PCDH9: variants seen among roughly 807,000 people sequenced by gnomAD.
PCDH9 encodes protocadherin 9.
PCDH9 carries 24 observed loss-of-function variants against 70.6 expected under a neutral mutation model. The ratio of observed to expected loss-of-function variants is 0.34; its 90% CI spans 0.25 to 0.48. The LOEUF is 0.48. Ranked by LOEUF, PCDH9 falls within the 20% of genes least tolerant of loss-of-function variation. The pLI is 0.99. For synonymous variants in PCDH9, 562 were observed against 558.5 expected (o/e 1.01, Z -0.09); for missense variants, 1,281 against 1,503.6 (o/e 0.85, Z 2.45).
intron 2 of PCDH9, among the ~76,000 whole-genome samples, chr13:67,189,334 T>C (rs1371346239): frequency 6.6e-6 from 1 of 152,088 alleles, no homozygotes; most frequent in Non-Finnish European, 1.5e-5. Context: ...TTCTTTTTAC[T>C]GATTCATTAA....
intron 4 of PCDH9, among the ~76,000 whole-genome samples, chr13:66,419,219 TA>T (rs35034497): frequency 0.82 from 124,567 of 151,892 alleles, 52,650 homozygotes; most frequent in South Asian, 0.95. Flanking sequence ...ATCACGCTGA[TA>T]CCAAAACTTG....
At chr13:66,737,932 A>C (rs1041203451) in intron 3 of PCDH9, among the ~76,000 whole-genome samples, 18 of 152,062 alleles carry the variant, frequency 1.2e-4, no homozygotes, top group Admixed American at 5.9e-4. Context: ...GGCGCCCGCC[A>C]TTGCCCAGGC....
intron 4 of PCDH9, among the ~76,000 whole-genome samples, chr13:66,603,252 T>C (rs1480098845): frequency 1.3e-5 from 2 of 151,680 alleles, no homozygotes; most frequent in Non-Finnish European, 3.0e-5. Context: ...ATATATCCAA[T>C]AGAGCTTAGT....
chr13:66,700,923 A>T (rs9599135), intron 3 of PCDH9, among the ~76,000 whole-genome samples: 8,661 of 58,050 alleles, frequency 0.15, 1,028 homozygotes, highest in Admixed American at 0.22. Flanking sequence ...TGTACATATA[A>T]ATATATATAT....
intron 2 of PCDH9, 38 bp from the exon 3 acceptor site, chr13:66,903,643 C>T: frequency 1.1e-6 from 1 of 876,754 alleles, no homozygotes; most frequent in Non-Finnish European, 1.9e-6. Flanking sequence ...CAAACTACTC[C>T]ACATTTAGAG....
intron 4 of PCDH9, among the ~76,000 whole-genome samples, chr13:66,612,576 G>T (rs1287917516): frequency 6.6e-6 from 1 of 152,142 alleles, no homozygotes; most frequent in East Asian, 1.9e-4. Context: ...AATATTTAGA[G>T]CATGCTTAGA....
At chr13:66,866,761 C>T (rs933106976) in intron 3 of PCDH9, among the ~76,000 whole-genome samples, 3 of 152,196 alleles carry the variant, frequency 2.0e-5, no homozygotes, top group Non-Finnish European at 4.4e-5. Context: ...TGTGCCACTG[C>T]ACTCTAGCCT....
intron 4 of PCDH9, among the ~76,000 whole-genome samples, chr13:66,507,730 GTTTGTTTT>G (rs1959253663): frequency 6.8e-6 from 1 of 148,120 alleles, no homozygotes; most frequent in Admixed American, 6.7e-5. Context: ...TTGTTTGTTT[GTTTGTTTT>G]TGAGATGGTG....
chr13:66,416,432 T>A (rs951069834), intron 4 of PCDH9, among the ~76,000 whole-genome samples: 2 of 152,106 alleles, frequency 1.3e-5, no homozygotes, highest in African/African-American at 4.8e-5. Context: ...GCAGTAGACT[T>A]CAAGATGTAA....
At chr13:66,957,876 C>G (rs1415874237) in intron 2 of PCDH9, among the ~76,000 whole-genome samples, 1 of 152,042 alleles carries the variant, frequency 6.6e-6, no homozygotes, top group Non-Finnish European at 1.5e-5. Flanking sequence ...GTTTTGGTAT[C>G]TTGAGGTAAC....
intron 2 of PCDH9, among the ~76,000 whole-genome samples, chr13:67,155,398 G>A (rs1220775058): frequency 2.0e-5 from 3 of 152,192 alleles, no homozygotes; most frequent in Non-Finnish European, 4.4e-5. Flanking sequence ...AGGTTAGAAT[G>A]TTCCATAAGC....
intron 4 of PCDH9, among the ~76,000 whole-genome samples, chr13:66,432,429 A>C (rs1012730476): frequency 6.6e-6 from 1 of 152,038 alleles, no homozygotes; most frequent in Non-Finnish European, 1.5e-5. Flanking sequence ...TATCATAACT[A>C]TGACAACATG....
intron 4 of PCDH9, among the ~76,000 whole-genome samples, chr13:66,422,003 G>A (rs1261440681): frequency 1.3e-5 from 2 of 152,162 alleles, no homozygotes; most frequent in African/African-American, 2.4e-5. Context: ...AAGAGCAGGG[G>A]TTGCAATCCT....
At chr13:67,021,756 C>A in intron 2 of PCDH9, among the ~76,000 whole-genome samples, 2 of 152,046 alleles carry the variant, frequency 1.3e-5, no homozygotes, top group Admixed American at 1.3e-4. Flanking sequence ...GACAGGGTTT[C>A]ACCATGTTGG....
chr13:66,472,259 G>T (rs1381718885), intron 4 of PCDH9, among the ~76,000 whole-genome samples: 1 of 150,800 alleles, frequency 6.6e-6, no homozygotes, highest in East Asian at 2.0e-4. Flanking sequence ...ATAGAAATGT[G>T]GTTCACCTTT....
At chr13:66,673,344 T>C (rs748820592) in intron 3 of PCDH9, among the ~76,000 whole-genome samples, 5 of 152,138 alleles carry the variant, frequency 3.3e-5, no homozygotes, top group Non-Finnish European at 7.4e-5. Context: ...CTTCCCCTTC[T>C]TCCATGATTG....
At chr13:66,986,675 A>AT (rs2083897776) in intron 2 of PCDH9, among the ~76,000 whole-genome samples, 2 of 151,984 alleles carry the variant, frequency 1.3e-5, no homozygotes, top group South Asian at 4.1e-4. Context: ...TTCAATAATG[A>AT]TTTTCCAACA....
chr13:66,785,937 T>C (rs1033296393), intron 3 of PCDH9, among the ~76,000 whole-genome samples: 3 of 152,134 alleles, frequency 2.0e-5, no homozygotes, highest in Non-Finnish European at 4.4e-5. Flanking sequence ...ATAATATTGA[T>C]AGAAGTATAA....
At chr13:67,184,391 C>T (rs1225494750) in intron 2 of PCDH9, among the ~76,000 whole-genome samples, 24 of 152,080 alleles carry the variant, frequency 1.6e-4, no homozygotes, top group Admixed American at 1.2e-3. Flanking sequence ...TTACTAGATC[C>T]GCATTCAGAT....
Sources: gnomAD v4.1 joint callset for allele counts (sites outside exome capture counted in the v4.1 genomes callset) on GRCh38, gnomAD v4.1.1 for gene constraint, MANE v1.5 for transcripts, NCBI Gene and HGNC (gene_info 2026-07-23, HGNC 2026-07-21) for gene names.